CACNA1S: variants seen among roughly 807,000 people sequenced by gnomAD.
The protein encoded by CACNA1S is voltage-dependent L-type calcium channel subunit alpha-1S.
CACNA1S carries 126 observed loss-of-function variants against 207.4 expected under a neutral mutation model. The observed-to-expected ratio is 0.61, with a 90% CI of 0.53 to 0.70. CACNA1S has a LOEUF of 0.70. CACNA1S is among the 30% of genes least tolerant of loss of function. The pLI is 0.00. For missense variants in CACNA1S, 2,349 were observed against 2,422.8 expected (o/e 0.97, Z 0.64); for synonymous variants, 960 against 932.7 (o/e 1.03, Z -0.53).
chr1:201,075,068 C>T (rs919311881), intron 13 of CACNA1S, among the ~76,000 whole-genome samples: 2 of 152,234 alleles, frequency 1.3e-5, no homozygotes, highest in African/African-American at 2.4e-5. Flanking sequence ...CCTCTCATCT[C>T]TCAGCCTGTT....
Position 201,040,666 on chromosome 1 carries a change from G to A in CACNA1S, c.5182C>T (p.Gln1728Ter). The change falls in exon 42 of 44, where the codon CAG becomes TAG. Residue 1728 changes from glutamine to a stop codon, truncating the protein, a stop_gained. Transcript: ENST00000362061. LOFTEE classifies it high-confidence loss of function. Reference protein sequence around the residue: ...CVEMLKGLLTQRAMPRGQAPP... With the variant: ...CVEMLKGLLT ...GCCTGGCCTCTGGGCATTGCCCTCT[G>A]GGTCAGCAGTCCCTTCAGCATCTCC... is the stretch of plus-strand genomic sequence containing the variant. 1 of 1,614,054 alleles carries A rather than the reference G, an allele frequency of 6.2e-7. No homozygotes were observed. The highest frequency in any genetic ancestry group is 1.7e-4 in the Middle Eastern group (1 of 6,058).
intron 1 of CACNA1S, among the ~76,000 whole-genome samples, chr1:201,111,173 C>T (rs990896813): frequency 2.6e-5 from 4 of 152,140 alleles, no homozygotes; most frequent in African/African-American, 4.8e-5. Flanking sequence ...GGCGATATAC[C>T]GCCTGGCCGA....
intron 33 of CACNA1S, 84 bp from the exon 34 acceptor site, chr1:201,050,600 G>T: frequency 6.6e-7 from 1 of 1,520,032 alleles, no homozygotes; most frequent in Non-Finnish European, 9.1e-7. Flanking sequence ...GTGTCCACTG[G>T]CCCACAACTT....
intron 28 of CACNA1S, 42 bp from the exon 29 acceptor site, chr1:201,054,603 A>G (rs759969570): frequency 6.5e-7 from 1 of 1,545,886 alleles, no homozygotes; most frequent in Non-Finnish European, 8.9e-7. Context: ...GAGAGGAGAG[A>G]GAGGAGGAGG....
In CACNA1S at chr1:201,056,965, A is replaced by C. The variant is rs566342559; in HGVS notation, c.3609+1443T>G. On this transcript the variant is annotated intron_variant, in intron 28 of 43. Coordinates refer to ENST00000362061, the MANE Select transcript of CACNA1S (RefSeq NM_000069.3). ...GCCTCCACAGCCAGCCCCGGCCCCC[A>C]TCGCCTCTCACCTGGATCACTGCGG... Among the ~76,000 whole-genome samples the C allele has an allele frequency of 4.6e-5, 7 of 151,584 alleles. No homozygotes were observed. The East Asian group carries it at 1.4e-3, about 29-fold the overall frequency.
In CACNA1S at chr1:201,061,282, C is replaced by A. The variant is rs559955919; in HGVS notation, c.3240G>T (p.Glu1080Asp). ...GCCCAGGCACCTGGTTCTTGTCCAGCTCACAGTTCTTGTACTCAGTCTCTC... is the reference window on the plus strand; with the variant it reads ...GCCCAGGCACCTGGTTCTTGTCCAGATCACAGTTCTTGTACTCAGTCTCTC... ...EQGETEYKNC[E>D]LDKNQRQCVQ... Residue 1080 changes from glutamate to aspartate, a missense_variant, in exon 25 of 44, where the codon GAG (glutamate) becomes GAT (aspartate). Physicochemically the swap from Glu to Asp is conservative, Grantham distance 45. Coordinates refer to ENST00000362061, the MANE Select transcript of CACNA1S (RefSeq NM_000069.3). 3.1e-6 allele frequency: 5 copies of A among 1,614,198 alleles called. No homozygotes were observed. The highest frequency in any genetic ancestry group is 3.4e-6 in the Non-Finnish European group (4 of 1,180,018).
At chr1:201,083,373 C>T (rs1259416015) in intron 9 of CACNA1S, 51 bp from the exon 10 acceptor site, 1 of 1,594,974 alleles carries the variant, frequency 6.3e-7, no homozygotes, top group Non-Finnish European at 8.6e-7. Context: ...TTCTACGCCC[C>T]ACCTGTCCAA....
intron 11 of CACNA1S, among the ~76,000 whole-genome samples, chr1:201,077,406 T>C (rs1327211962): frequency 6.6e-6 from 1 of 152,224 alleles, no homozygotes; most frequent in African/African-American, 2.4e-5. Flanking sequence ...ACAGCTTTTC[T>C]CCTGTGCACC....
At chr1:201,064,110 G>C (rs1661157340) in intron 22 of CACNA1S, among the ~76,000 whole-genome samples, 1 of 152,216 alleles carries the variant, frequency 6.6e-6, no homozygotes, top group Admixed American at 6.5e-5. Flanking sequence ...GAAGCCAAAG[G>C]GAGGGCAGCG....
rs74875474 is a variant in CACNA1S at position 201,112,162 on chromosome 1, C to T, written c.152+26G>A. ...CCCTCCCTCATGACGCACACCCCCCCCCACGGCCCGGGCCCTGAAGGATAC... is the reference window on the plus strand; with the variant it reads ...CCCTCCCTCATGACGCACACCCCCCTCCACGGCCCGGGCCCTGAAGGATAC... On this transcript the variant is annotated intron_variant, in intron 1 of 43. Coordinates refer to ENST00000362061, the MANE Select transcript of CACNA1S (RefSeq NM_000069.3). 3,335 of 1,607,038 alleles carry T rather than the reference C, an allele frequency of 2.1e-3. 20 individuals carry two copies. Among genetic ancestry groups the T allele is most frequent in the African/African-American group, 0.018 (1,379 of 74,762 alleles).
At chr1:201,067,487 C>G (rs974263195) in intron 19 of CACNA1S, among the ~76,000 whole-genome samples, 2 of 152,202 alleles carry the variant, frequency 1.3e-5, no homozygotes, top group African/African-American at 4.8e-5. Context: ...TTGATATATT[C>G]TCTAATAATC....
chr1:201,043,901 T>C (rs913635391), intron 39 of CACNA1S, among the ~76,000 whole-genome samples: 2 of 152,052 alleles, frequency 1.3e-5, no homozygotes, highest in African/African-American at 4.8e-5. Flanking sequence ...GGGCCACTAT[T>C]TCCTCATGAA....
chr1:201,091,642 G>A lies in CACNA1S; in HGVS notation c.692C>T (p.Thr231Ile), dbSNP rs1662236302. 6.2e-7 allele frequency: 1 copy of A among 1,614,082 alleles called. No individual in the cohort carries two copies. Among genetic ancestry groups the A allele is most frequent in the Non-Finnish European group, 8.5e-7 (1 of 1,180,020 alleles). Residue 231 changes from threonine (T) to isoleucine (I), a missense_variant and splice_region_variant, in exon 5 of 44, where the codon ACA becomes ATA. By Grantham distance (89) the Thr-to-Ile change is moderately conservative. Coordinates refer to ENST00000362061, the MANE Select transcript of CACNA1S (RefSeq NM_000069.3). Reference sequence around the variant, plus strand: ...CCCCACTTTCCCTGGGAGCTCACCTGTACCAATGAAGTAGCAGGTCTTGTG... The same window carrying A: ...CCCCACTTTCCCTGGGAGCTCACCTATACCAATGAAGTAGCAGGTCTTGTG... ...KMHKTCYFIGTDIVATVENEE... is the reference protein window; with the variant it reads ...KMHKTCYFIGIDIVATVENEE...
chr1:201,041,529 G>C lies in CACNA1S; in HGVS notation c.5109C>G (p.Ala1703=). The C allele has an allele frequency of 6.2e-7, 1 of 1,614,074 alleles. No homozygotes were observed. The highest frequency in any genetic ancestry group is 8.5e-7 in the Non-Finnish European group (1 of 1,179,932). ...CCAGGACCCTGCAGGGTTGGCCAAG[G>C]GCTCGTCCTCTGGTAGCAGGCGTCT... ...ETETPATRGR[A]LGQPCRVLGP... Residue 1703 remains alanine, a synonymous_variant, in exon 41 of 44, where the codon GCC becomes GCG. Coordinates refer to ENST00000362061, the MANE Select transcript of CACNA1S (RefSeq NM_000069.3).
chr1:201,100,307 C>T (rs989087335), intron 2 of CACNA1S, among the ~76,000 whole-genome samples: 2 of 152,242 alleles, frequency 1.3e-5, no homozygotes, highest in African/African-American at 4.8e-5. Flanking sequence ...GAGGCGTTGC[C>T]TGCTGTGACT....
intron 1 of CACNA1S, 120 bp downstream of exon 1, chr1:201,112,068 C>A: frequency 2.1e-6 from 2 of 950,948 alleles, no homozygotes; most frequent in Non-Finnish European, 3.2e-6. Context: ...TGTGAGTTCA[C>A]CCCATGTCTA....
rs369941827 is a variant in CACNA1S at position 201,062,017 on chromosome 1, C to T, written c.2980G>A (p.Asp994Asn). ...GAGAGCACATTGTCGAAGTGGAAGTCGCTGTGTACCCACTCGCGGTGACGC... is the reference window on the plus strand; with the variant it reads ...GAGAGCACATTGTCGAAGTGGAAGTTGCTGTGTACCCACTCGCGGTGACGC... ...ELRHREWVHSDFHFDNVLSAM... is the reference protein window; with the variant it reads ...ELRHREWVHSNFHFDNVLSAM... Residue 994 changes from aspartate to asparagine, a missense_variant, in exon 24 of 44, where the codon GAC (aspartate) becomes AAC (asparagine). Physicochemically the swap from Asp to Asn is conservative, Grantham distance 23. Coordinates refer to ENST00000362061, the MANE Select transcript of CACNA1S (RefSeq NM_000069.3). The T allele has an allele frequency of 2.8e-5, 45 of 1,614,060 alleles. 1 individual carries two copies. Among genetic ancestry groups the T allele is most frequent in the Middle Eastern group, 3.3e-4 (2 of 6,084 alleles).
At chr1:201,061,507 G>C in intron 24 of CACNA1S, 39 bp from the exon 25 acceptor site, 1 of 1,589,284 alleles carries the variant, frequency 6.3e-7, no homozygotes, top group South Asian at 1.1e-5. Context: ...ACTGGGTGGG[G>C]TGACAAGGCA....
chr1:201,049,200 G>T, intron 34 of CACNA1S, 101 bp from the exon 35 acceptor site: 1 of 801,162 alleles, frequency 1.2e-6, no homozygotes, highest in South Asian at 1.5e-5. Flanking sequence ...CAGGAAACAG[G>T]GGAGCATTTC....
Sources: gnomAD v4.1 joint callset for allele counts (sites outside exome capture counted in the v4.1 genomes callset) on GRCh38, gnomAD v4.1.1 for gene constraint, MANE v1.5 for transcripts, NCBI Gene and HGNC (gene_info 2026-07-23, HGNC 2026-07-21) for gene names.